ACVR1: variants seen among roughly 807,000 people sequenced by gnomAD.
The protein encoded by ACVR1 is activin receptor type-1.
Under a neutral mutation model 57.1 loss-of-function variants are expected in ACVR1, and 38 were observed. The observed-to-expected ratio is 0.67, with a 90% CI of 0.51 to 0.87. ACVR1 has a LOEUF of 0.87. Ranked by LOEUF, ACVR1 falls within the 40% of genes least tolerant of loss-of-function variation. ACVR1 has a pLI of 0.00. For missense variants in ACVR1, 463 were observed against 638.2 expected (o/e 0.73, Z 2.96); for synonymous variants, 212 against 228.1 (o/e 0.93, Z 0.63).
At chr2:157,755,335 A>G (rs1461294533) in intron 9 of ACVR1, among the ~76,000 whole-genome samples, 1 of 152,096 alleles carries the variant, frequency 6.6e-6, no homozygotes, top group Non-Finnish European at 1.5e-5. Flanking sequence ...CTGTTTGCTG[A>G]TGATATAACC....
intron 5 of ACVR1, among the ~76,000 whole-genome samples, chr2:157,777,445 C>A (rs959111803): frequency 4.6e-5 from 7 of 152,018 alleles, no homozygotes; most frequent in African/African-American, 1.7e-4. Flanking sequence ...ATTTTTTAAT[C>A]GATTATACGT....
Position 157,765,475 on chromosome 2 carries a change from G to A in ACVR1, c.1066+446C>T, listed in dbSNP as rs1685828435. Among the ~76,000 whole-genome samples the A allele has an allele frequency of 2.0e-5, 3 of 151,998 alleles. No homozygotes were observed. The South Asian group carries it at 6.2e-4, about 32-fold the overall frequency. On this transcript the variant is annotated intron_variant, in intron 8 of 10. Transcript: ENST00000434821. ...GCCTGAGGTAACTGTCAAGAGTAAT[G>A]GGAAACTCTGTATCTCGACAGGGAT...
At chr2:157,800,526 CA>C (rs1687286017) in intron 2 of ACVR1, among the ~76,000 whole-genome samples, 1 of 151,984 alleles carries the variant, frequency 6.6e-6, no homozygotes, top group South Asian at 2.1e-4. Flanking sequence ...GGTCTGTTTA[CA>C]AACCATACCT....
chr2:157,803,122 A>T lies in ACVR1; in HGVS notation c.-7-3622T>A, dbSNP rs187830754. 2.2e-4 allele frequency among the ~76,000 whole-genome samples: 33 copies of T among 148,592 alleles called. 1 individual carries two copies. The highest frequency in any genetic ancestry group is 2.0e-3 in the Admixed American group (30 of 14,892). On this transcript the variant is annotated intron_variant, in intron 2 of 10. Transcript: ENST00000434821. Reference sequence around the variant, plus strand: ...TCAAATCAAGACTCCTTTTACTATTAAAAAAAAAAATCTAAGAAACAATCA... The same window carrying T: ...TCAAATCAAGACTCCTTTTACTATTTAAAAAAAAAATCTAAGAAACAATCA...
At chr2:157,826,118 A>C (rs1345311687) in intron 1 of ACVR1, among the ~76,000 whole-genome samples, 2 of 152,204 alleles carry the variant, frequency 1.3e-5, no homozygotes, top group Non-Finnish European at 2.9e-5. Context: ...GCACTTTTAC[A>C]AGAGTTCGCA....
At chr2:157,815,174 C>T (rs892063469) in intron 2 of ACVR1, among the ~76,000 whole-genome samples, 8 of 152,008 alleles carry the variant, frequency 5.3e-5, no homozygotes, top group African/African-American at 1.9e-4. Context: ...CGTATAAAAC[C>T]GTGGATACTG....
intron 2 of ACVR1, among the ~76,000 whole-genome samples, chr2:157,809,598 A>T (rs1281318603): frequency 1.3e-5 from 2 of 152,130 alleles, no homozygotes; most frequent in Non-Finnish European, 2.9e-5. Context: ...GATATAACCA[A>T]AAAACCACCC....
intron 2 of ACVR1, among the ~76,000 whole-genome samples, chr2:157,810,370 C>T (rs1361000733): frequency 6.6e-6 from 1 of 152,150 alleles, no homozygotes; most frequent in Admixed American, 6.5e-5. Context: ...GGACAGGTGG[C>T]AGGGAGGGGT....
intron 9 of ACVR1, among the ~76,000 whole-genome samples, chr2:157,755,492 G>A (rs961631512): frequency 2.6e-5 from 4 of 151,776 alleles, no homozygotes; most frequent in Non-Finnish European, 4.4e-5. Context: ...ATCAAATCAA[G>A]AACTCAATCC....
chr2:157,780,622 G>C (rs1475145148), intron 3 of ACVR1, 22 bp from the exon 4 acceptor site: 4 of 1,599,036 alleles, frequency 2.5e-6, no homozygotes, highest in Non-Finnish European at 3.4e-6. Flanking sequence ...AGAAAGGAAG[G>C]GGAAAAAAAA....
chr2:157,761,017 A>G lies in ACVR1; in HGVS notation c.1127T>C (p.Val376Ala). ...NQLDVGNNPR[V>A]GTKRYMAPEV... ...GGGGGCCATGTAGCGCTTGGTGCCC[A>G]CACGGGGATTGTTCCCCACATCAAG... The change falls in exon 9 of 11, where the codon GTG becomes GCG. Residue 376 changes from valine to alanine, a missense_variant. Coordinates refer to ENST00000434821, the MANE Select transcript of ACVR1 (RefSeq NM_001111067.4). 6.2e-7 allele frequency: 1 copy of G among 1,614,150 alleles called. No individual in the cohort carries two copies. The highest frequency in any genetic ancestry group is 1.7e-5 in the Admixed American group (1 of 60,022).
chr2:157,819,744 G>A (rs528278956), intron 1 of ACVR1, among the ~76,000 whole-genome samples: 1 of 142,184 alleles, frequency 7.0e-6, no homozygotes, highest in South Asian at 2.1e-4. Flanking sequence ...GGAAGAGGAG[G>A]GGAGGCTCTA....
At chr2:157,791,140 C>T (rs973307045) in intron 3 of ACVR1, among the ~76,000 whole-genome samples, 5 of 152,216 alleles carry the variant, frequency 3.3e-5, no homozygotes, top group Non-Finnish European at 7.3e-5. Flanking sequence ...CCTGTCCATA[C>T]GCCTCATGCT....
At chr2:157,763,599 T>A (rs1168497600) in intron 8 of ACVR1, among the ~76,000 whole-genome samples, 1 of 152,072 alleles carries the variant, frequency 6.6e-6, no homozygotes, top group Non-Finnish European at 1.5e-5. Flanking sequence ...TACACACCTG[T>A]AGTCCCAGCT....
At chr2:157,843,051 T>C (rs1033237160) in intron 1 of ACVR1, among the ~76,000 whole-genome samples, 6 of 152,170 alleles carry the variant, frequency 3.9e-5, no homozygotes, top group African/African-American at 1.2e-4. Flanking sequence ...TACTCTAAAT[T>C]CTATCCTCCC....
chr2:157,802,216 G>A (rs990204011), intron 2 of ACVR1, among the ~76,000 whole-genome samples: 8 of 152,096 alleles, frequency 5.3e-5, no homozygotes, highest in African/African-American at 1.2e-4. Flanking sequence ...TGGTGGGAGA[G>A]GGTGAATACA....
chr2:157,741,374 T>A (rs1258787551), intron 9 of ACVR1, among the ~76,000 whole-genome samples: 1 of 152,112 alleles, frequency 6.6e-6, no homozygotes, highest in Non-Finnish European at 1.5e-5. Context: ...ACGCCTGTAA[T>A]CCCAGCACTT....
chr2:157,787,939 T>C (rs563393957), intron 3 of ACVR1, among the ~76,000 whole-genome samples: 4 of 152,272 alleles, frequency 2.6e-5, no homozygotes, highest in Admixed American at 2.6e-4. Context: ...TCCTCCAAGG[T>C]TGCCAATCTT....
chr2:157,855,346 A>AC lies in ACVR1; in HGVS notation c.-183+20449_-183+20450insG, dbSNP rs1491512988. Among the ~76,000 whole-genome samples the AC allele has an allele frequency of 1.3e-3, 170 of 135,904 alleles. 2 individuals carry two copies. Among genetic ancestry groups the AC allele is most frequent in the South Asian group, 2.4e-3 (10 of 4,222 alleles). The allele number at this position is 135,904 out of a possible 152,430, so 89.2% of individuals were successfully genotyped here. A position where few individuals can be genotyped will look rare whatever the true frequency, so the allele number is the denominator to read the frequency against. On this transcript the variant is annotated intron_variant, in intron 1 of 10. Transcript: ENST00000434821. The stretch of plus-strand genomic sequence containing the variant: ...TATACACACACACACACACACACAC[A>AC]AAAATTAGCCGGACGTGGTGGCTTT...
Sources: gnomAD v4.1 joint callset for allele counts (sites outside exome capture counted in the v4.1 genomes callset) on GRCh38, gnomAD v4.1.1 for gene constraint, MANE v1.5 for transcripts, NCBI Gene and HGNC (gene_info 2026-07-23, HGNC 2026-07-21) for gene names.